Variants in ENTPD3 observed in about 807,000 individuals in gnomAD.
ENTPD3 encodes CD39 antigen-like 3.
In ENTPD3, 60 loss-of-function variants were observed where a neutral mutation model predicts 51.2. That is an observed-to-expected ratio of 1.17 (90% CI 0.95 to 1.45). ENTPD3 has a LOEUF of 1.45. Among genes scored for constraint, ENTPD3 ranks in the 40% most tolerant of loss-of-function variants. The pLI is 0.00. For synonymous variants in ENTPD3, 221 were observed against 238.4 expected (o/e 0.93, Z 0.67); for missense variants, 593 against 641.1 (o/e 0.93, Z 0.81).
intron 10 of ENTPD3, among the ~76,000 whole-genome samples, chr3:40,426,409 A>T: frequency 6.6e-6 from 1 of 152,056 alleles, no homozygotes; most frequent in African/African-American, 2.4e-5. Context: ...CTGGCCACAG[A>T]TATCATTTTT....
chr3:40,390,603 A>G (rs1283674052), intron 2 of ENTPD3, among the ~76,000 whole-genome samples: 1 of 152,196 alleles, frequency 6.6e-6, no homozygotes, highest in Non-Finnish European at 1.5e-5. Flanking sequence ...CGTGCCCCTA[A>G]GTTGGGTGTT....
chr3:40,399,037 C>T (rs1328450989), intron 3 of ENTPD3, among the ~76,000 whole-genome samples: 3 of 152,016 alleles, frequency 2.0e-5, no homozygotes, highest in African/African-American at 7.3e-5. Context: ...GGCTGGGAAA[C>T]ATGGCGAAAC....
chr3:40,410,582 A>C (rs1433211607), intron 4 of ENTPD3, among the ~76,000 whole-genome samples: 1 of 152,316 alleles, frequency 6.6e-6, no homozygotes, highest in African/African-American at 2.4e-5. Context: ...AGTCCACACT[A>C]ATCCCTATAT....
chr3:40,403,097 G>T (rs973396530), intron 4 of ENTPD3, among the ~76,000 whole-genome samples: 1 of 152,096 alleles, frequency 6.6e-6, no homozygotes, highest in Non-Finnish European at 1.5e-5. Flanking sequence ...CCAAAACATT[G>T]TAAGTTCATG....
chr3:40,388,595 C>G (rs997525936), intron 2 of ENTPD3, among the ~76,000 whole-genome samples: 30 of 142,516 alleles, frequency 2.1e-4, no homozygotes, highest in African/African-American at 6.9e-4. Context: ...GACACACACA[C>G]ACACACACAC....
chr3:40,414,243 C>G (rs1955693253), intron 5 of ENTPD3, among the ~76,000 whole-genome samples: 1 of 152,172 alleles, frequency 6.6e-6, no homozygotes, highest in Non-Finnish European at 1.5e-5. Context: ...TCCTTTCCCC[C>G]TTCCTACTAA....
chr3:40,391,781 C>G (rs545034458), intron 2 of ENTPD3: 1 of 545,896 alleles, frequency 1.8e-6, no homozygotes, highest in East Asian at 3.2e-5. Flanking sequence ...GCATACCCTC[C>G]CTGCAACACT....
Position 40,426,229 on chromosome 3 carries a change from C to T in ENTPD3, c.1354-1043C>T, listed in dbSNP as rs144326338. 6.2e-3 allele frequency among the ~76,000 whole-genome samples: 942 copies of T among 151,530 alleles called. 4 individuals carry two copies. Among genetic ancestry groups the T allele is most frequent in the African/African-American group, 0.022 (889 of 41,334 alleles). ...GCTCAAACAATTCTCCTGCCTCAGC[C>T]TCCTGAGTAGCTGGGATTACAGGCA... On this transcript the variant is annotated intron_variant, in intron 10 of 10. Transcript: ENST00000301825.
At chr3:40,424,965 C>T (rs1179814548) in intron 10 of ENTPD3, 1 of 456,702 alleles carries the variant, frequency 2.2e-6, no homozygotes, top group Non-Finnish European at 4.0e-6. Flanking sequence ...ACTCTCTAAG[C>T]TTTGCTTCTA....
chr3:40,391,318 T>C (rs921465888), intron 2 of ENTPD3: 3 of 152,174 alleles, frequency 2.0e-5, no homozygotes, highest in Non-Finnish European at 2.9e-5. Flanking sequence ...TATGAGATTA[T>C]TTTTAAGTGA....
At position 40,423,446 on chromosome 3, in the gene ENTPD3, T is replaced by C. The variant is rs764833764; in HGVS notation, c.1215+45T>C. 10 of 1,299,344 alleles carry C rather than the reference T, an allele frequency of 7.7e-6. No homozygotes were observed. The South Asian group carries it at 8.5e-5, about 11-fold the overall frequency. The allele number at this position is 1,299,344 out of a possible 1,614,324, so 80.5% of individuals were successfully genotyped here. On this transcript the variant is annotated intron_variant, in intron 9 of 10. Coordinates refer to ENST00000301825, the MANE Select transcript of ENTPD3 (RefSeq NM_001248.4). ...GGATCAATGTCAGTACAAAAAAATA[T>C]GGTAGAATCTATTCTATGTGTGTGT...
chr3:40,424,074 G>T, intron 10 of ENTPD3, 111 bp downstream of exon 10: 1 of 1,546,670 alleles, frequency 6.5e-7, no homozygotes, highest in Non-Finnish European at 8.7e-7. Flanking sequence ...AACTCACTGG[G>T]TGGAAGCTGA....
At chr3:40,414,922 C>G in intron 6 of ENTPD3, 82 bp downstream of exon 6, 1 of 1,410,130 alleles carries the variant, frequency 7.1e-7, no homozygotes, top group African/African-American at 1.4e-5. Context: ...GAGGTACATG[C>G]CATCAGGGAT....
chr3:40,422,276 AG>A (rs1329977625), intron 7 of ENTPD3, among the ~76,000 whole-genome samples: 5 of 150,984 alleles, frequency 3.3e-5, no homozygotes, highest in African/African-American at 1.2e-4. Flanking sequence ...AATTTGCAAA[AG>A]GGAAATACTT....
At position 40,423,922 on chromosome 3, in the gene ENTPD3, T is replaced by C. The variant is rs1343757436; in HGVS notation, c.1312T>C (p.Phe438Leu). 7 of 1,614,108 alleles carry C rather than the reference T, an allele frequency of 4.3e-6. No individual in the cohort carries two copies. In the South Asian group the frequency reaches 7.7e-5, roughly 18 times the overall value. Residue 438 changes from phenylalanine (F) to leucine (L), a missense_variant, in exon 10 of 11, where the codon TTC becomes CTC. Coordinates refer to ENST00000301825, the MANE Select transcript of ENTPD3 (RefSeq NM_001248.4). ...IYHLFVNGYKFTEETWPQIHF... is the reference protein window; with the variant it reads ...IYHLFVNGYKLTEETWPQIHF... ...CCACTTGTTTGTGAACGGTTACAAA[T>C]TCACAGAGGAGACTTGGCCCCAAAT...
At chr3:40,426,233 T>C (rs569397167) in intron 10 of ENTPD3, among the ~76,000 whole-genome samples, 85 of 150,572 alleles carry the variant, frequency 5.6e-4, no homozygotes, top group Non-Finnish European at 9.3e-4. Flanking sequence ...CTCAGCCTCC[T>C]GAGTAGCTGG....
chr3:40,405,259 A>C (rs1426926937), intron 4 of ENTPD3, among the ~76,000 whole-genome samples: 2 of 152,114 alleles, frequency 1.3e-5, no homozygotes, highest in African/African-American at 4.8e-5. Flanking sequence ...TAATCCCAGC[A>C]CTTTGGGAGG....
chr3:40,411,163 C>T (rs1171422795), intron 4 of ENTPD3, among the ~76,000 whole-genome samples: 4 of 151,458 alleles, frequency 2.6e-5, no homozygotes, highest in South Asian at 2.1e-4. Context: ...TGGTGGTGCA[C>T]GCCTGTAATT....
At position 40,405,604 on chromosome 3, in the gene ENTPD3, T is replaced by C. The variant is rs143384928; in HGVS notation, c.286+4593T>C. Among the ~76,000 whole-genome samples the C allele has an allele frequency of 7.7e-3, 1,180 of 152,260 alleles. 12 individuals are homozygous for C. Among genetic ancestry groups the C allele is most frequent in the Middle Eastern group, 0.034 (10 of 294 alleles). Reference sequence around the variant, plus strand: ...TCAAGTAAGTTTTGTGCCGTCTGTTTAACCCTCTCTCCCCATATTGAAATA... The same window carrying C: ...TCAAGTAAGTTTTGTGCCGTCTGTTCAACCCTCTCTCCCCATATTGAAATA... On this transcript the variant is annotated intron_variant, in intron 4 of 10. Coordinates refer to ENST00000301825, the MANE Select transcript of ENTPD3 (RefSeq NM_001248.4).
Sources: gnomAD v4.1 joint callset for allele counts (sites outside exome capture counted in the v4.1 genomes callset) on GRCh38, gnomAD v4.1.1 for gene constraint, MANE v1.5 for transcripts, NCBI Gene and HGNC (gene_info 2026-07-23, HGNC 2026-07-21) for gene names.